The following PAPPA2 variants were observed in gnomAD, a reference collection of about 807,000 sequenced individuals.
The protein encoded by PAPPA2 is pappalysin-2.
Under a neutral mutation model 176.4 loss-of-function variants are expected in PAPPA2, and 86 were observed. The ratio of observed to expected loss-of-function variants is 0.49; its 90% CI spans 0.41 to 0.58. PAPPA2 has a LOEUF of 0.58. Ranked by LOEUF, PAPPA2 falls within the 20% of genes least tolerant of loss-of-function variation. The probability of loss-of-function intolerance (pLI) is 0.00; values close to 1 mark genes in which losing one functional copy is unlikely to be tolerated. For missense variants in PAPPA2, 2,073 were observed against 2,256.9 expected (o/e 0.92, Z 1.65); for synonymous variants, 809 against 852.2 (o/e 0.95, Z 0.88).
chr1:176,739,366 A>G (rs1662563671), intron 12 of PAPPA2, among the ~76,000 whole-genome samples: 1 of 152,198 alleles, frequency 6.6e-6, no homozygotes, highest in African/African-American at 2.4e-5. Context: ...GTCAAGTAAA[A>G]AAAAACAGTT....
At chr1:176,738,699 G>C (rs1662531536) in intron 12 of PAPPA2, among the ~76,000 whole-genome samples, 1 of 152,070 alleles carries the variant, frequency 6.6e-6, no homozygotes, top group African/African-American at 2.4e-5. Context: ...TGGAAATTAA[G>C]AGAAATATTC....
chr1:176,789,889 C>T lies in PAPPA2; in HGVS notation c.4796C>T (p.Pro1599Leu), dbSNP rs780092487. Residue 1599 changes from proline (P) to leucine (L), a missense_variant, in exon 18 of 23, where the codon CCT becomes CTT. Pro to Leu is a moderately conservative substitution (Grantham distance 98). Around this residue, in one of 4 missense-constraint regions of PAPPA2, gnomAD observed 846 missense variants for 857.9 expected, o/e 0.99. Coordinates refer to ENST00000367662, the MANE Select transcript of PAPPA2 (RefSeq NM_020318.3). ...SCIPVVCEPP[P>L]PVFEGMYECT... ...ATTCCTGTGGTGTGTGAGCCACCCC[C>T]TCCTGTGTTTGAAGGCATGTATGAA... 1.2e-6 allele frequency: 2 copies of T among 1,614,042 alleles called. No homozygotes were observed. The highest frequency in any genetic ancestry group is 1.7e-5 in the Admixed American group (1 of 60,002).
At position 176,665,623 on chromosome 1, in the gene PAPPA2, C is replaced by T. The variant is rs1348371946; in HGVS notation, c.1992-5347C>T. On this transcript the variant is annotated intron_variant, in intron 3 of 22. Transcript: ENST00000367662. ...TGAAGTTTAGTTTCTTCCTAAAAAG[C>T]TCAAAATCCAGTTTGTAAGATTAGG... 2.0e-5 allele frequency among the ~76,000 whole-genome samples: 3 copies of T among 152,164 alleles called. No homozygotes were observed. The South Asian group carries it at 6.2e-4, about 31-fold the overall frequency.
At chr1:176,628,193 C>T (rs1242384627) in intron 3 of PAPPA2, among the ~76,000 whole-genome samples, 1 of 150,222 alleles carries the variant, frequency 6.7e-6, no homozygotes, top group Non-Finnish European at 1.5e-5. Flanking sequence ...CAAGGGAGTA[C>T]AATGAAATAG....
chr1:176,731,054 C>A (rs1443121622), intron 12 of PAPPA2, among the ~76,000 whole-genome samples: 1 of 152,020 alleles, frequency 6.6e-6, no homozygotes, highest in Non-Finnish European at 1.5e-5. Flanking sequence ...TGCCCAGTAT[C>A]ATTCACTGGC....
intron 4 of PAPPA2, among the ~76,000 whole-genome samples, chr1:176,678,227 G>T (rs1322664915): frequency 6.6e-6 from 1 of 152,040 alleles, no homozygotes. Context: ...AAAATACTCA[G>T]CAAACCACAC....
chr1:176,647,233 T>C (rs1186242759), intron 3 of PAPPA2, among the ~76,000 whole-genome samples: 1 of 151,676 alleles, frequency 6.6e-6, no homozygotes, highest in Non-Finnish European at 1.5e-5. Context: ...TATTCAGGTG[T>C]TTTGTCCATT....
chr1:176,485,021 C>T (rs1652584194), intron 1 of PAPPA2, among the ~76,000 whole-genome samples: 1 of 152,192 alleles, frequency 6.6e-6, no homozygotes, highest in Non-Finnish European at 1.5e-5. Context: ...CTCCACTTCT[C>T]TTAGAAGTAA....
intron 9 of PAPPA2, among the ~76,000 whole-genome samples, 162 bp from the exon 10 acceptor site, chr1:176,706,197 G>A (rs1660873482): frequency 6.6e-6 from 1 of 152,230 alleles, no homozygotes; most frequent in South Asian, 2.1e-4. Flanking sequence ...ATATCCATAT[G>A]TTTGTTTCTA....
At chr1:176,587,275 C>T (rs1653375893) in intron 2 of PAPPA2, among the ~76,000 whole-genome samples, 1 of 152,098 alleles carries the variant, frequency 6.6e-6, no homozygotes. Flanking sequence ...TTTTGCTGTG[C>T]AGAAGCTCTT....
chr1:176,703,739 T>A (rs901009227), intron 9 of PAPPA2, among the ~76,000 whole-genome samples: 13 of 152,320 alleles, frequency 8.5e-5, no homozygotes, highest in African/African-American at 3.1e-4. Context: ...TTCCTTGTCA[T>A]AGAAGTATAA....
At chr1:176,494,895 C>T (rs1390485397) in intron 1 of PAPPA2, among the ~76,000 whole-genome samples, 1 of 152,148 alleles carries the variant, frequency 6.6e-6, no homozygotes, top group Admixed American at 6.5e-5. Flanking sequence ...TGGGTCAGCT[C>T]CCCTTGAAGC....
In PAPPA2 at chr1:176,556,521, C is replaced by A. The variant is rs771725451; in HGVS notation, c.199C>A (p.Leu67Ile). ...RRPRASPQHHLFGVYPSRAGN... is the reference protein window; with the variant it reads ...RRPRASPQHHIFGVYPSRAGN... ...ACCCAGAGCTTCTCCACAGCATCACCTCTTTGGAGTCTACCCCAGCAGGGC... is the reference window on the plus strand; with the variant it reads ...ACCCAGAGCTTCTCCACAGCATCACATCTTTGGAGTCTACCCCAGCAGGGC... Residue 67 changes from leucine to isoleucine, a missense_variant, in exon 2 of 23, where the codon CTC becomes ATC. Leu to Ile is a conservative substitution (Grantham distance 5). Transcript: ENST00000367662. 3.1e-6 allele frequency: 5 copies of A among 1,614,090 alleles called. No individual in the cohort carries two copies. Among genetic ancestry groups the A allele is most frequent in the Non-Finnish European group, 3.4e-6 (4 of 1,180,056 alleles).
chr1:176,690,867 G>A, intron 5 of PAPPA2: 2 of 988,782 alleles, frequency 2.0e-6, no homozygotes, highest in Non-Finnish European at 2.4e-6. Flanking sequence ...GGTCAACAAG[G>A]TGGCTTGGTT....
intron 3 of PAPPA2, among the ~76,000 whole-genome samples, chr1:176,667,640 C>T (rs1200697883): frequency 6.6e-6 from 1 of 152,110 alleles, no homozygotes; most frequent in African/African-American, 2.4e-5. Flanking sequence ...CAGGCTCCTC[C>T]TCTGGAGTGG....
intron 3 of PAPPA2, among the ~76,000 whole-genome samples, chr1:176,664,400 T>C (rs1173968982): frequency 6.6e-6 from 1 of 152,188 alleles, no homozygotes; most frequent in Non-Finnish European, 1.5e-5. Context: ...GCATTGTAGC[T>C]GTCTCTGATC....
intron 12 of PAPPA2, among the ~76,000 whole-genome samples, chr1:176,728,479 T>C (rs1162205376): frequency 6.6e-6 from 1 of 151,926 alleles, no homozygotes; most frequent in African/African-American, 2.4e-5. Flanking sequence ...AAATTTGAAA[T>C]ATCTCTATGA....
intron 21 of PAPPA2, among the ~76,000 whole-genome samples, chr1:176,815,107 T>C (rs1169913541): frequency 6.6e-6 from 1 of 152,132 alleles, no homozygotes; most frequent in Non-Finnish European, 1.5e-5. Context: ...TGTATATGCA[T>C]ACATATGTGT....
intron 2 of PAPPA2, among the ~76,000 whole-genome samples, chr1:176,559,909 A>G (rs1651559629): frequency 1.3e-5 from 2 of 152,206 alleles, no homozygotes; most frequent in Admixed American, 1.3e-4. Context: ...CAGAGACTTC[A>G]AGCAATGCAG....
Sources: gnomAD v4.1 joint callset for allele counts (sites outside exome capture counted in the v4.1 genomes callset) on GRCh38, gnomAD v4.1.1 for gene constraint, gnomAD v4.1.1 regional missense constraint, MANE v1.5 for transcripts, NCBI Gene and HGNC (gene_info 2026-07-23, HGNC 2026-07-21) for gene names.